CELF2: variants seen among roughly 807,000 people sequenced by gnomAD.
CELF2 encodes CUGBP Elav-like family member 2, also known as CUG triplet repeat RNA-binding protein 2.
A neutral mutation model predicts 62.6 loss-of-function variants in CELF2; 8 were observed. The ratio of observed to expected loss-of-function variants is 0.13; its 90% confidence interval spans 0.07 to 0.23. The LOEUF (loss-of-function observed/expected upper bound fraction) is 0.23. Among genes scored for constraint, CELF2 ranks in the 10% least tolerant of loss-of-function variants. CELF2 has a pLI of 1.00. For synonymous variants in CELF2, 258 were observed against 250.0 expected, an observed-to-expected ratio of 1.03 and a Z score of -0.30; for missense variants, 333 against 671.0, an observed-to-expected ratio of 0.50 and a Z score of 5.56.
At chr10:10,720,431 A>T in the CELF2 span, among the ~76,000 whole-genome samples, 1 of 152,146 alleles carries the variant, frequency 6.6e-6, no homozygotes, top group Non-Finnish European at 1.5e-5. Context: ...GTGATCACCT[A>T]TGAAAAGCGC....
Position 11,110,946 on chromosome 10 carries a change from C to T in CELF2, c.75-54540C>T, listed in dbSNP as rs114766014. 6.6e-6 allele frequency among the ~76,000 whole-genome samples: 1 copy of T among 152,098 alleles called. No homozygotes were observed. Among genetic ancestry groups the T allele is most frequent in the Non-Finnish European group, 1.5e-5 (1 of 68,006 alleles). On this transcript the variant is annotated intron_variant, in intron 1 of 12. Transcript: ENST00000633077. The surrounding 1 kb of genome is among the most constrained non-coding windows in gnomAD (Gnocchi z 4.0). ...TTCTTTCAAAACTGGAATTACAGAACGTCCAGCAAGGCCCTTTTGGGAGAA... is the reference window on the plus strand; with the variant it reads ...TTCTTTCAAAACTGGAATTACAGAATGTCCAGCAAGGCCCTTTTGGGAGAA...
chr10:10,701,670 A>G, the CELF2 span, among the ~76,000 whole-genome samples: 1 of 152,202 alleles, frequency 6.6e-6, no homozygotes, highest in Admixed American at 6.5e-5. Context: ...GTTTGTGCAA[A>G]GACAGAGAAA....
At chr10:11,151,583 A>G (rs1468450051) in intron 1 of CELF2, among the ~76,000 whole-genome samples, 1 of 152,190 alleles carries the variant, frequency 6.6e-6, no homozygotes, top group Non-Finnish European at 1.5e-5. Flanking sequence ...AGGGGACCCT[A>G]TGTGTGGCCA....
At chr10:10,711,358 G>A in the CELF2 span, among the ~76,000 whole-genome samples, 1 of 152,148 alleles carries the variant, frequency 6.6e-6, no homozygotes, top group African/African-American at 2.4e-5. Flanking sequence ...TTTCTTATGG[G>A]TTTTGTTTCT....
intron 2 of CELF2, among the ~76,000 whole-genome samples, chr10:10,962,470 C>T (rs1483768819): frequency 6.6e-6 from 1 of 151,630 alleles, no homozygotes; most frequent in Non-Finnish European, 1.5e-5. Context: ...CACGTATAAT[C>T]CCAGCACTTT....
chr10:10,808,113 A>G (rs1375780225), intron 1 of CELF2, among the ~76,000 whole-genome samples: 1 of 152,216 alleles, frequency 6.6e-6, no homozygotes, highest in Non-Finnish European at 1.5e-5. Context: ...TAAAAATAAC[A>G]CTATCGACAA....
the CELF2 span, among the ~76,000 whole-genome samples, chr10:10,729,287 A>G: frequency 6.6e-6 from 1 of 152,202 alleles, no homozygotes; most frequent in Non-Finnish European, 1.5e-5. Flanking sequence ...ACTTTCTAAA[A>G]TCCCAACAAA....
chr10:11,122,298 T>C (rs2057915177), intron 1 of CELF2, among the ~76,000 whole-genome samples: 1 of 152,206 alleles, frequency 6.6e-6, no homozygotes, highest in African/African-American at 2.4e-5. Flanking sequence ...CCTCATGCAC[T>C]TTTTAAAAAT....
chr10:11,080,925 C>T (rs528903730), intron 1 of CELF2, among the ~76,000 whole-genome samples: 1 of 152,332 alleles, frequency 6.6e-6, no homozygotes, highest in South Asian at 2.1e-4. Context: ...GGCTGTCTGT[C>T]TCAGCCTGCT....
rs983411832 is a variant in CELF2 at position 10,947,321 on chromosome 10, T to G, written c.89+27322T>G. On this transcript the variant is annotated intron_variant, in intron 2 of 13. Coordinates refer to the CELF2 transcript ENST00000636488. The surrounding 1 kb of genome is among the most constrained non-coding windows in gnomAD (Gnocchi z 4.1). ...ACATTTTTTCCTGGAGATTTAGAGC[T>G]GATTGGGCACAGATGGGAGGCAGGG... is the stretch of plus-strand genomic sequence containing the variant. The G allele has an allele frequency of 6.6e-6, 1 of 152,668 alleles. No homozygotes were observed. Among genetic ancestry groups the G allele is most frequent in the Admixed American group, 6.5e-5 (1 of 15,280 alleles). The allele number at this position is 152,668 out of a possible 1,614,324, so 9.5% of individuals were successfully genotyped here.
At chr10:11,323,652 T>C (rs1006615170) in intron 11 of CELF2, among the ~76,000 whole-genome samples, 2 of 152,070 alleles carry the variant, frequency 1.3e-5, no homozygotes, top group African/African-American at 4.8e-5. Flanking sequence ...CAGTTCTTTA[T>C]GCCAGATCAA....
chr10:10,571,571 A>G, the CELF2 span, among the ~76,000 whole-genome samples: 478 of 152,254 alleles, frequency 3.1e-3, 1 homozygote, highest in Non-Finnish European at 5.5e-3. Flanking sequence ...AAAAGCGACC[A>G]TGGGTTGTAA....
chr10:10,821,559 A>G (rs2056966138), intron 1 of CELF2, among the ~76,000 whole-genome samples: 1 of 152,142 alleles, frequency 6.6e-6, no homozygotes, highest in Admixed American at 6.5e-5. Flanking sequence ...CCATCATTCT[A>G]CTGAAATGTC....
chr10:10,856,305 T>C (rs1440153650), intron 1 of CELF2, among the ~76,000 whole-genome samples: 4 of 152,178 alleles, frequency 2.6e-5, no homozygotes, highest in Non-Finnish European at 4.4e-5. Flanking sequence ...TTAAAAAAAG[T>C]TGACCAGCAC....
intron 5 of CELF2, 134 bp downstream of exon 5, chr10:11,258,006 C>G: frequency 9.8e-7 from 1 of 1,024,876 alleles, no homozygotes; most frequent in South Asian, 1.8e-5. Flanking sequence ...AGTTATCCAA[C>G]CTGAACTTTT....
the CELF2 span, among the ~76,000 whole-genome samples, chr10:10,583,443 C>T: frequency 6.6e-6 from 1 of 152,000 alleles, no homozygotes; most frequent in African/African-American, 2.4e-5. Context: ...TATTTTGTAC[C>T]AAGGAAGTGG....
chr10:11,254,945 C>T (rs1198153279), intron 4 of CELF2, among the ~76,000 whole-genome samples: 11 of 152,190 alleles, frequency 7.2e-5, no homozygotes, highest in African/African-American at 1.9e-4. Context: ...CTCCCCTTCC[C>T]GTTCACGGGA....
At position 11,296,062 on chromosome 10, in the gene CELF2, G is replaced by A. The variant is rs2093142015; in HGVS notation, c.976+7510G>A. Reference sequence around the variant, plus strand: ...ACGGTTCACCACAGAGCCCACGCTGGGATTTATGCAAGTAGATTCCACCTG... The same window carrying A: ...ACGGTTCACCACAGAGCCCACGCTGAGATTTATGCAAGTAGATTCCACCTG... On this transcript the variant is annotated intron_variant, in intron 9 of 12. Transcript: ENST00000633077. This position sits in a 1 kb window ranked among gnomAD's most constrained non-coding sequence, Gnocchi z 5.0. Among the ~76,000 whole-genome samples, 2 of 152,174 alleles carry A rather than the reference G, an allele frequency of 1.3e-5. No homozygotes were observed. The highest frequency in any genetic ancestry group is 4.1e-4 in the South Asian group (2 of 4,834).
rs1047949425 is a variant in CELF2 at position 11,178,680 on chromosome 10, G to A, written c.271+12998G>A. 1.3e-5 allele frequency among the ~76,000 whole-genome samples: 2 copies of A among 152,184 alleles called. No homozygotes were observed. Among genetic ancestry groups the A allele is most frequent in the African/African-American group, 4.8e-5 (2 of 41,444 alleles). On this transcript the variant is annotated intron_variant, in intron 2 of 12. Transcript: ENST00000633077. This position sits in a 1 kb window ranked among gnomAD's most constrained non-coding sequence, Gnocchi z 4.3. ...AGAAGAGTCTTCGTCAAATGGCAGAGTTTGATTGTTTAACCTAGACTAATC... is the reference window on the plus strand; with the variant it reads ...AGAAGAGTCTTCGTCAAATGGCAGAATTTGATTGTTTAACCTAGACTAATC...
Sources: allele counts gnomAD v4.1 joint callset (sites outside exome capture counted in the v4.1 genomes callset), GRCh38; gene constraint gnomAD v4.1.1; non-coding constraint Gnocchi (gnomAD v3.1); transcripts MANE v1.5; gene names NCBI Gene and HGNC (gene_info 2026-07-23, HGNC 2026-07-21).